KAZN: variants seen among roughly 807,000 people sequenced by gnomAD.
The protein encoded by KAZN is kazrin.
A neutral mutation model predicts 87.4 loss-of-function variants in KAZN; 40 were observed. The ratio of observed to expected loss-of-function variants is 0.46; its 90% CI spans 0.36 to 0.60. The LOEUF (loss-of-function observed/expected upper bound fraction) is 0.60, where lower values mean the gene tolerates loss of function less well. Among genes scored for constraint, KAZN ranks in the 20% least tolerant of loss-of-function variants. The pLI is 0.00. For synonymous variants in KAZN, 466 were observed against 458.3 expected, an observed-to-expected ratio of 1.02 and a Z score of -0.22; for missense variants, 898 against 1,073.9, an observed-to-expected ratio of 0.84 and a Z score of 2.29.
intron 2 of KAZN, among the ~76,000 whole-genome samples, chr1:14,563,147 T>C (rs980393624): frequency 2.0e-5 from 3 of 152,170 alleles, no homozygotes; most frequent in African/African-American, 7.2e-5. Context: ...CAATTTCTGC[T>C]CCAAGCACCA....
At chr1:14,021,782 G>C (rs1202596990) in intron 1 of KAZN, among the ~76,000 whole-genome samples, 1 of 152,134 alleles carries the variant, frequency 6.6e-6, no homozygotes, top group South Asian at 2.1e-4. Flanking sequence ...CACTTCTCAA[G>C]TATTGTAGGA....
intron 2 of KAZN, among the ~76,000 whole-genome samples, chr1:14,543,221 G>T (rs1672925318): frequency 6.6e-6 from 1 of 152,170 alleles, no homozygotes; most frequent in Non-Finnish European, 1.5e-5. Flanking sequence ...CATCCTAGGG[G>T]CAGTGGCACG....
At chr1:14,465,058 C>A (rs1464233576) in intron 2 of KAZN, among the ~76,000 whole-genome samples, 1 of 152,086 alleles carries the variant, frequency 6.6e-6, no homozygotes, top group Non-Finnish European at 1.5e-5. Flanking sequence ...CTGCAGAGGT[C>A]ATTTGCTGCT....
At chr1:14,902,041 G>T (rs1030897642) in intron 1 of KAZN, among the ~76,000 whole-genome samples, 2 of 152,086 alleles carry the variant, frequency 1.3e-5, no homozygotes, top group African/African-American at 2.4e-5. Context: ...CCAACCCACC[G>T]GGCACGTTAA....
intron 1 of KAZN, among the ~76,000 whole-genome samples, chr1:14,752,335 T>G (rs1350441866): frequency 1.3e-5 from 2 of 152,164 alleles, no homozygotes; most frequent in African/African-American, 4.8e-5. Context: ...AATGCCGTTC[T>G]CTCCTTCTGC....
chr1:13,899,667 G>A (rs1639172823), intron 1 of KAZN, among the ~76,000 whole-genome samples: 1 of 141,530 alleles, frequency 7.1e-6, no homozygotes, highest in South Asian at 2.3e-4. Context: ...TTTTTGAGGT[G>A]GAGTCTCGCA....
intron 1 of KAZN, among the ~76,000 whole-genome samples, chr1:14,701,553 A>G (rs1641923624): frequency 6.6e-6 from 1 of 152,232 alleles, no homozygotes; most frequent in Admixed American, 6.5e-5. Context: ...AGCACTTTGG[A>G]GGCCAAGGCA....
At chr1:14,544,968 C>T (rs1224573076) in intron 2 of KAZN, among the ~76,000 whole-genome samples, 1 of 152,170 alleles carries the variant, frequency 6.6e-6, no homozygotes, top group Non-Finnish European at 1.5e-5. Flanking sequence ...CCACACAGAG[C>T]ACATTCTTCT....
rs148802640 is a variant in KAZN, at chr1:14,448,853, C to T, written c.250-150130C>T. 5.2e-3 allele frequency among the ~76,000 whole-genome samples: 786 copies of T among 152,326 alleles called. 39 individuals carry two copies. Among genetic ancestry groups the T allele is most frequent in the Admixed American group, 0.047 (722 of 15,292 alleles). On this transcript the variant is annotated intron_variant, in intron 2 of 16. Transcript: ENST00000636203. ...CTTCTCAACCCCCATGACATTCACACGTGACTGATGGGCAAGGTCATGCTT... is the reference window on the plus strand; with the variant it reads ...CTTCTCAACCCCCATGACATTCACATGTGACTGATGGGCAAGGTCATGCTT...
At chr1:14,113,429 TC>T (rs1325521184) in intron 1 of KAZN, among the ~76,000 whole-genome samples, 1 of 152,112 alleles carries the variant, frequency 6.6e-6, no homozygotes, top group Non-Finnish European at 1.5e-5. Flanking sequence ...TAAAGCACTT[TC>T]CCCGAAAAAT....
chr1:14,626,244 CTG>C (rs1437781532), intron 1 of KAZN, among the ~76,000 whole-genome samples: 8 of 152,196 alleles, frequency 5.3e-5, no homozygotes, highest in African/African-American at 1.9e-4. Flanking sequence ...ATCAATGACA[CTG>C]TTATTGAAAT....
Position 14,076,275 on chromosome 1 carries a change from C to T in KAZN, c.92-104160C>T, listed in dbSNP as rs537230325. Among the ~76,000 whole-genome samples, 134 of 151,370 alleles carry T rather than the reference C, an allele frequency of 8.9e-4. 1 individual carries two copies. Among genetic ancestry groups the T allele is most frequent in the African/African-American group, 3.1e-3 (128 of 41,212 alleles). ...CAGCCTGGGTGACAGAGCGAGACTC[C>T]GTCTAAAAAAAAAAGGGAAAGGTAG... On this transcript the variant is annotated intron_variant, in intron 1 of 16. Transcript: ENST00000636203.
intron 1 of KAZN, among the ~76,000 whole-genome samples, chr1:14,952,157 C>T (rs935835377): frequency 1.3e-5 from 2 of 152,010 alleles, no homozygotes; most frequent in African/African-American, 4.8e-5. Flanking sequence ...CAGGTCAATA[C>T]AGAGCTCTTG....
chr1:14,054,783 G>A (rs1459952652), intron 1 of KAZN, among the ~76,000 whole-genome samples: 3 of 152,184 alleles, frequency 2.0e-5, no homozygotes, highest in Non-Finnish European at 4.4e-5. Context: ...TGAGTTGTAG[G>A]TCATGCGTGA....
intron 1 of KAZN, among the ~76,000 whole-genome samples, chr1:14,095,175 A>G (rs1460124410): frequency 1.3e-5 from 2 of 152,236 alleles, no homozygotes; most frequent in East Asian, 1.9e-4. Context: ...TAGTCTTCCA[A>G]ATATTTCTAA....
At chr1:13,967,380 C>A (rs2073022) in intron 1 of KAZN, among the ~76,000 whole-genome samples, 27,446 of 152,100 alleles carry the variant, frequency 0.18, 2,582 homozygotes, top group East Asian at 0.26. Context: ...CCTCAGGGAG[C>A]CTTTGGAATC....
chr1:15,074,818 A>G (rs1573255432), intron 8 of KAZN, among the ~76,000 whole-genome samples: 1 of 152,148 alleles, frequency 6.6e-6, no homozygotes, highest in East Asian at 1.9e-4. Context: ...TCGTTTCTTC[A>G]TGGGGACAAT....
intron 2 of KAZN, among the ~76,000 whole-genome samples, chr1:14,263,893 TAGTC>T (rs1409491480): frequency 6.6e-6 from 1 of 152,240 alleles, no homozygotes; most frequent in Non-Finnish European, 1.5e-5. Context: ...GCCAGGGGGA[TAGTC>T]AGCCAGGATG....
chr1:15,021,744 A>G lies in KAZN; in HGVS notation c.419-13005A>G, dbSNP rs1670690983. 6.6e-6 allele frequency among the ~76,000 whole-genome samples: 1 copy of G among 152,168 alleles called. No individual in the cohort carries two copies. Among genetic ancestry groups the G allele is most frequent in the Non-Finnish European group, 1.5e-5 (1 of 68,022 alleles). On this transcript the variant is annotated intron_variant, in intron 2 of 14. Transcript: ENST00000376030. The surrounding 1 kb of genome is among the most constrained non-coding windows in gnomAD (Gnocchi z 4.2). ...CTCTTATGACGGACACTCTGTCTGC[A>G]GGTTTCGGTCCCCTCCCTGGGACCG... is the stretch of plus-strand genomic sequence containing the variant.
Sources: gnomAD v4.1 joint callset for allele counts (sites outside exome capture counted in the v4.1 genomes callset) on GRCh38, gnomAD v4.1.1 for gene constraint, Gnocchi (gnomAD v3.1) non-coding constraint, MANE v1.5 for transcripts, NCBI Gene and HGNC (gene_info 2026-07-23, HGNC 2026-07-21) for gene names.